The following OPCML variants were observed in gnomAD, a reference collection of about 807,000 sequenced individuals.
OPCML encodes the protein opioid-binding protein/cell adhesion molecule.
A neutral mutation model predicts 37.8 loss-of-function variants in OPCML; 13 were observed. The ratio of observed to expected loss-of-function variants is 0.34; its 90% CI spans 0.22 to 0.55. The LOEUF is 0.55. OPCML is among the 20% of genes least tolerant of loss of function. OPCML has a pLI of 0.91. For missense variants in OPCML, 341 were observed against 435.6 expected (o/e 0.78, Z 1.93); for synonymous variants, 176 against 168.8 (o/e 1.04, Z -0.33).
At chr11:132,664,742 G>C (rs568176981) in intron 2 of OPCML, among the ~76,000 whole-genome samples, 6 of 152,288 alleles carry the variant, frequency 3.9e-5, no homozygotes, top group South Asian at 4.1e-4. Context: ...GTTACAAATA[G>C]AGCCAACTTC....
At chr11:133,479,999 A>G (rs1025174222) in intron 1 of OPCML, among the ~76,000 whole-genome samples, 2 of 152,124 alleles carry the variant, frequency 1.3e-5, no homozygotes, top group African/African-American at 4.8e-5. Flanking sequence ...GAAAAAGGGG[A>G]ACGTTTCTAA....
chr11:132,838,042 G>A (rs116144627), intron 2 of OPCML, among the ~76,000 whole-genome samples: 103 of 152,168 alleles, frequency 6.8e-4, no homozygotes, highest in African/African-American at 2.3e-3. Flanking sequence ...GATTGCATAC[G>A]GCCCACCTTG....
intron 1 of OPCML, among the ~76,000 whole-genome samples, chr11:133,501,745 C>T (rs77998059): frequency 0.22 from 33,734 of 151,696 alleles, 4,455 homozygotes; most frequent in African/African-American, 0.34. Flanking sequence ...CCCCCCACCC[C>T]GCCCAGGGTG....
intron 4 of OPCML, among the ~76,000 whole-genome samples, chr11:132,490,199 T>C (rs936420956): frequency 2.0e-5 from 3 of 151,876 alleles, no homozygotes; most frequent in Admixed American, 6.6e-5. Context: ...TCACCTCTCT[T>C]GTAGTTCCTT....
At chr11:132,524,611 G>A (rs371393361) in intron 4 of OPCML, among the ~76,000 whole-genome samples, 28 of 152,242 alleles carry the variant, frequency 1.8e-4, no homozygotes, top group African/African-American at 5.5e-4. Context: ...AGTGCTTTTC[G>A]TTATGTTCAC....
intron 1 of OPCML, among the ~76,000 whole-genome samples, chr11:133,371,468 G>T (rs566633032): frequency 6.6e-6 from 1 of 152,154 alleles, no homozygotes; most frequent in Non-Finnish European, 1.5e-5. Flanking sequence ...TAATCCCCAC[G>T]TGTTGAGGGA....
intron 7 of OPCML, among the ~76,000 whole-genome samples, chr11:132,421,033 T>C (rs1433867802): frequency 6.6e-6 from 1 of 152,076 alleles, no homozygotes; most frequent in Non-Finnish European, 1.5e-5. Context: ...CAATAAATCA[T>C]TCAAGGTCCA....
chr11:133,359,061 C>A (rs1024833051), intron 1 of OPCML, among the ~76,000 whole-genome samples: 8 of 152,156 alleles, frequency 5.3e-5, no homozygotes, highest in Non-Finnish European at 1.0e-4. Flanking sequence ...GAGAAGCCAT[C>A]AGAGGAATTT....
chr11:133,345,755 T>C (rs897688018), intron 1 of OPCML, among the ~76,000 whole-genome samples: 2 of 152,236 alleles, frequency 1.3e-5, no homozygotes, highest in African/African-American at 4.8e-5. Flanking sequence ...CTGGTTCTTC[T>C]AGTGGTATCT....
chr11:132,549,355 C>T (rs1157490577), intron 3 of OPCML, among the ~76,000 whole-genome samples: 5 of 152,178 alleles, frequency 3.3e-5, no homozygotes, highest in African/African-American at 1.2e-4. Context: ...ATCCTCACCA[C>T]TTTTTAAGAA....
intron 7 of OPCML, among the ~76,000 whole-genome samples, chr11:132,426,503 G>A (rs565987822): frequency 6.6e-6 from 1 of 152,056 alleles, no homozygotes; most frequent in Non-Finnish European, 1.5e-5. Context: ...GCAGTGGCAC[G>A]ATCTCGGCTG....
At chr11:133,012,214 G>T (rs1947232472) in intron 1 of OPCML, among the ~76,000 whole-genome samples, 1 of 152,094 alleles carries the variant, frequency 6.6e-6, no homozygotes, top group Non-Finnish European at 1.5e-5. Flanking sequence ...TAATACATAG[G>T]ACAGCCTTCC....
At chr11:133,129,421 G>A (rs1949570248) in intron 1 of OPCML, among the ~76,000 whole-genome samples, 1 of 152,164 alleles carries the variant, frequency 6.6e-6, no homozygotes, top group South Asian at 2.1e-4. Context: ...TCAGTAAGGA[G>A]GGATTAGTCC....
At chr11:132,859,318 C>T (rs1942195356) in intron 2 of OPCML, 1 of 152,172 alleles carries the variant, frequency 6.6e-6, no homozygotes, top group Non-Finnish European at 1.5e-5. Context: ...TGCGAGTTCT[C>T]AAGGAAAGAC....
At chr11:133,445,871 T>A (rs1054184207) in intron 1 of OPCML, among the ~76,000 whole-genome samples, 16 of 151,652 alleles carry the variant, frequency 1.1e-4, no homozygotes, top group African/African-American at 3.9e-4. Context: ...AGATATAAAG[T>A]TGATTGGGAG....
At chr11:133,377,612 G>GAAAAACAAAAAAAAAAAAAAAAA (rs1944837424) in intron 1 of OPCML, among the ~76,000 whole-genome samples, 1 of 79,088 alleles carries the variant, frequency 1.3e-5, no homozygotes, top group Non-Finnish European at 2.3e-5. Flanking sequence ...CCAGTATTCA[G>GAAAAACAAAAAAAAAAAAAAAAA]AAAAAAAAAA....
At chr11:132,972,150 T>C (rs1265381242) in intron 1 of OPCML, among the ~76,000 whole-genome samples, 2 of 152,108 alleles carry the variant, frequency 1.3e-5, no homozygotes, top group African/African-American at 4.8e-5. Flanking sequence ...AGTTTCCTGA[T>C]AATAATGTCT....
chr11:133,226,835 C>T (rs1182496547), intron 1 of OPCML, among the ~76,000 whole-genome samples: 1 of 152,126 alleles, frequency 6.6e-6, no homozygotes, highest in Non-Finnish European at 1.5e-5. Flanking sequence ...CAAACCAGCG[C>T]AGTTTAACAA....
intron 1 of OPCML, among the ~76,000 whole-genome samples, chr11:133,410,591 C>CTTTT (rs1172738068): frequency 1.0e-5 from 1 of 97,044 alleles, no homozygotes; most frequent in East Asian, 3.3e-4. Context: ...GTTTTTGTTG[C>CTTTT]TTTTTTTTTT....
Sources: allele counts gnomAD v4.1 joint callset (sites outside exome capture counted in the v4.1 genomes callset), GRCh38; gene constraint gnomAD v4.1.1; transcripts MANE v1.5; gene names NCBI Gene and HGNC (gene_info 2026-07-23, HGNC 2026-07-21).